GHDC: variants seen among roughly 807,000 people sequenced by gnomAD.
GHDC encodes the protein GH3 domain containing.
A neutral mutation model predicts 51.5 loss-of-function variants in GHDC; 39 were observed. That is an observed-to-expected ratio of 0.76 (90% CI 0.59 to 0.99). The LOEUF (loss-of-function observed/expected upper bound fraction) is 0.99, where lower values mean the gene tolerates loss of function less well. GHDC is among the 50% of genes least tolerant of loss of function. The pLI, the probability that GHDC is intolerant of heterozygous loss-of-function variation, is 0.00. For missense variants in GHDC, 610 were observed against 672.8 expected, an observed-to-expected ratio of 0.91 and a Z score of 1.03; for synonymous variants, 282 against 305.2, an observed-to-expected ratio of 0.92 and a Z score of 0.79.
At chr17:42,192,094 T>C in intron 5 of GHDC, 147 bp downstream of exon 5, 1 of 1,083,326 alleles carries the variant, frequency 9.2e-7, no homozygotes, top group Non-Finnish European at 1.3e-6. Context: ...CCTGAATTTC[T>C]TCACTTGTAA....
In GHDC at chr17:42,189,911, C is replaced by A; in HGVS notation, c.1385G>T (p.Cys462Phe). The change falls in exon 10 of 10, where the codon TGC becomes TTC. Residue 462 changes from cysteine (C) to phenylalanine (F), a missense_variant. This residue lies in a region of GHDC where 412 missense variants were observed against 410.4 expected (regional missense o/e 1.00). Transcript: ENST00000587427. ...GTAGCGGGGAGAGGCTTCCTGAAGG[C>A]AGTGGTCCAGCTGGGAACAGAACAG... ...SEENRDKLDHCLQEASPRYKS... is the reference protein window; with the variant it reads ...SEENRDKLDHFLQEASPRYKS... 6.5e-7 allele frequency: 1 copy of A among 1,535,224 alleles called. No homozygotes were observed. The highest frequency in any genetic ancestry group is 8.8e-7 in the Non-Finnish European group (1 of 1,140,044).
In GHDC at chr17:42,189,310, T is replaced by C. The variant is rs960683650; in HGVS notation, c.*393A>G. ...ATGAAGCTGAGGTCCTGCTCCTTAT[T>C]GACTCAGGGTTGCTGCTCCTGGGGA... On this transcript the variant is annotated 3_prime_UTR_variant, in exon 10 of 10. Coordinates refer to ENST00000587427, the MANE Select transcript of GHDC (RefSeq NM_032484.5). The C allele has an allele frequency of 5.1e-6, 2 of 395,134 alleles. No homozygotes were observed. Among genetic ancestry groups the C allele is most frequent in the South Asian group, 1.4e-4 (1 of 7,026 alleles). 24.5% of individuals were successfully genotyped at this position (395,134 alleles called of 1,614,324 possible). A position where few individuals can be genotyped will look rare whatever the true frequency, so the allele number is the denominator to read the frequency against.
In GHDC at chr17:42,193,541, GGCA is replaced by G. The variant is rs747543747; in HGVS notation, c.38_40del (p.Leu13del). 1,150 of 1,502,720 alleles carry G rather than the reference GGCA, an allele frequency of 7.7e-4. No individual in the cohort carries two copies. The highest frequency in any genetic ancestry group is 2.0e-3 in the Admixed American group (101 of 49,304). 93.1% of individuals were successfully genotyped at this position (1,502,720 alleles called of 1,614,324 possible). ...CTGCTGCCTGAGCAGGGCCAATGTT[GGCA>G]GCAGCAGCAGCAGCAGCAGCAGTGG... On this transcript the variant is annotated inframe_deletion, in exon 3 of 10. Transcript: ENST00000587427.
At position 42,192,648 on chromosome 17, in the gene GHDC, G is replaced by A. The variant is rs1156240538; in HGVS notation, c.482C>T (p.Pro161Leu). ...ATTCCCAGGCCAAGGCAGGGGTCGG[G>A]GCCAAGGGGATGTAAGCGTCACACG... ...TARVTLTSPW[P>L]RPLPWPGNTL... The change falls in exon 5 of 10, where the codon CCC (proline) becomes CTC (leucine). Residue 161 changes from proline to leucine, a missense_variant. Pro to Leu is a moderately conservative substitution (Grantham distance 98). This residue lies in a region of GHDC where 198 missense variants were observed against 262.3 expected (regional missense o/e 0.75). Coordinates refer to ENST00000587427, the MANE Select transcript of GHDC (RefSeq NM_032484.5). The A allele has an allele frequency of 1.2e-6, 2 of 1,609,362 alleles. No individual in the cohort carries two copies. The highest frequency in any genetic ancestry group is 2.2e-5 in the East Asian group (1 of 44,802).
intron 5 of GHDC, 44 bp downstream of exon 5, chr17:42,192,197 C>T (rs1432584349): frequency 6.6e-7 from 1 of 1,509,970 alleles, no homozygotes; most frequent in African/African-American, 1.4e-5. Flanking sequence ...GTCATGTGAC[C>T]ACTGACCGTT....
Position 42,193,454 on chromosome 17 carries a change from GC to G in GHDC, c.127del (p.Ala43ProfsTer28). 1.3e-6 allele frequency: 2 copies of G among 1,553,296 alleles called. No homozygotes were observed. The highest frequency in any genetic ancestry group is 1.2e-5 in the South Asian group (1 of 84,246). ...CTGCCAGGTGGCTGCCCAGACCAGG[GC>G]CCCCCATGCCACTCGGTGCTGGAGG... ...AGLQHRVAWGALVWAATWQRR... is the reference protein window; with the variant it reads ...AGLQHRVAWGXLVWAATWQRR... On this transcript the variant is annotated frameshift_variant, in exon 3 of 10. Transcript: ENST00000587427. LOFTEE classifies it high-confidence loss of function.
rs754348750 is a variant in GHDC, at chr17:42,192,255, T to C, written c.875A>G (p.Tyr292Cys). 14 of 1,541,326 alleles carry C rather than the reference T, an allele frequency of 9.1e-6. No individual in the cohort carries two copies. The highest frequency in any genetic ancestry group is 1.2e-5 in the Non-Finnish European group (14 of 1,143,884). The change falls in exon 5 of 10, where the codon TAT (tyrosine) becomes TGT (cysteine). Residue 292 changes from tyrosine to cysteine, a missense_variant. Physicochemically the swap from Tyr to Cys is radical, Grantham distance 194 (BLOSUM62 -2). This residue lies in a region of GHDC where 412 missense variants were observed against 410.4 expected (regional missense o/e 1.00). Coordinates refer to ENST00000587427, the MANE Select transcript of GHDC (RefSeq NM_032484.5). ...GTCCCACTGACCTCCCGAGGCAGCA[T>C]AAGCAGGAGAGAAGAAGGCTAGTCC... ...CQGLAFFSPA[Y>C]AASGGVLGLN...
intron 5 of GHDC, 39 bp from the exon 6 acceptor site, chr17:42,191,249 C>T: frequency 6.8e-7 from 1 of 1,462,612 alleles, no homozygotes; most frequent in Non-Finnish European, 9.0e-7. Flanking sequence ...TCTGCTGGTG[C>T]CATCGCTTTC....
At position 42,193,480 on chromosome 17, in the gene GHDC, G is replaced by A. The variant is rs903045678; in HGVS notation, c.102C>T (p.Gly34=). 3.9e-6 allele frequency: 6 copies of A among 1,555,346 alleles called. No individual in the cohort carries two copies. In the African/African-American group the frequency reaches 8.2e-5, roughly 21 times the overall value. Residue 34 remains glycine (G), a synonymous_variant, in exon 3 of 10, where the codon GGC becomes GGT. Coordinates refer to ENST00000587427, the MANE Select transcript of GHDC (RefSeq NM_032484.5). ...CCCCCCATGCCACTCGGTGCTGGAG[G>A]CCAGCAAGCCAGGACAGCCTGGCAT... The part of the protein sequence containing the change: ...SQDARLSWLA[G]LQHRVAWGAL...
chr17:42,189,956 G>T, intron 9 of GHDC, 35 bp from the exon 10 acceptor site: 2 of 1,462,070 alleles, frequency 1.4e-6, no homozygotes, highest in South Asian at 1.3e-5. Flanking sequence ...GCTGGTGTGT[G>T]ACTGTGAGTG....
intron 5 of GHDC, 51 bp from the exon 6 acceptor site, chr17:42,191,261 GCC>G: frequency 6.9e-7 from 1 of 1,448,910 alleles, no homozygotes; most frequent in Non-Finnish European, 9.1e-7. Flanking sequence ...ATCGCTTTCT[GCC>G]AGGCAATAGC....
At position 42,192,355 on chromosome 17, in the gene GHDC, G is replaced by T. The variant is rs760831944; in HGVS notation, c.775C>A (p.Leu259Met). Residue 259 changes from leucine to methionine, a missense_variant, in exon 5 of 10, where the codon CTG (leucine) becomes ATG (methionine). Leu to Met is a conservative substitution (Grantham distance 15). Around this residue, in one of 2 missense-constraint regions of GHDC, gnomAD observed 412 missense variants for 410.4 expected, o/e 1.00. Coordinates refer to ENST00000587427, the MANE Select transcript of GHDC (RefSeq NM_032484.5). ...RGLALRLWPKLQVVVTLDAGG... is the reference protein window; with the variant it reads ...RGLALRLWPKMQVVVTLDAGG... ...GCATCCAGAGTCACCACCACCTGCA[G>T]CTTTGGCCAGAGCCGAAGGGCCAGT... 38 of 1,613,060 alleles carry T rather than the reference G, an allele frequency of 2.4e-5. No individual in the cohort carries two copies. The Admixed American group carries it at 6.3e-4, about 27-fold the overall frequency.
chr17:42,192,772 G>A (rs748624084), intron 4 of GHDC, 30 bp from the exon 5 acceptor site: 2 of 1,533,402 alleles, frequency 1.3e-6, no homozygotes, highest in Non-Finnish European at 1.7e-6. Context: ...ATGTTGGTCT[G>A]GTGTCAGAGC....
At position 42,189,717 on chromosome 17, in the gene GHDC, T is replaced by C; in HGVS notation, c.1579A>G (p.Arg527Gly). The C allele has an allele frequency of 6.8e-7, 1 of 1,471,694 alleles. No homozygotes were observed. The allele number at this position is 1,471,694 out of a possible 1,614,324, so 91.2% of individuals were successfully genotyped here. ...HRHLAQCLQE[R>G]VVS ...CAGGACTTGACTCAGGACACCACCC[T>C]CTCCTGCAGACACTGGGCCAGGTGC... The change falls in exon 10 of 10, where the codon AGG (arginine) becomes GGG (glycine). Residue 527 changes from arginine to glycine, a missense_variant. By Grantham distance (125) the Arg-to-Gly change is moderately radical (BLOSUM62 -2). Transcript: ENST00000587427.
In GHDC at chr17:42,190,206, C is replaced by T. The variant is rs180989188; in HGVS notation, c.1353G>A (p.Leu451=). The part of the protein sequence containing the change: ...VFVALRGLRN[L]SEENRDKLDH... ...TTACCTTGTCTCGATTTTCCTCTGA[C>T]AGATTCCTCAGCCCCCTCAGCGCCA... Residue 451 remains leucine, a synonymous_variant, in exon 9 of 10, where the codon CTG becomes CTA. Transcript: ENST00000587427. The T allele has an allele frequency of 1.8e-4, 295 of 1,614,038 alleles. No homozygotes were observed. Among genetic ancestry groups the T allele is most frequent in the Admixed American group, 7.8e-4 (47 of 59,990 alleles).
rs760555173 is a variant in GHDC, at chr17:42,193,366, C to T, written c.216G>A (p.Trp72Ter). 12 of 1,606,544 alleles carry T rather than the reference C, an allele frequency of 7.5e-6. 1 individual carries two copies. In the South Asian group the frequency reaches 1.1e-4, roughly 15 times the overall value. ...VHQSQQQALR[W>*]CLQGAQRPHC... ...GGGGGCGCTGGGCTCCCTGTAGACACCACCTCAGGGCCTGCTGCTGGCTCT... is the reference window on the plus strand; with the variant it reads ...GGGGGCGCTGGGCTCCCTGTAGACATCACCTCAGGGCCTGCTGCTGGCTCT... The change falls in exon 3 of 10, where the codon TGG becomes TGA. Residue 72 changes from tryptophan (W) to a stop codon, truncating the protein, a stop_gained. Coordinates refer to ENST00000587427, the MANE Select transcript of GHDC (RefSeq NM_032484.5). LOFTEE classifies it high-confidence loss of function.
Position 42,189,658 on chromosome 17 carries a change from C to A in GHDC, c.*45G>T. Reference sequence around the variant, plus strand: ...TCCGGAGAGGTCCCAGAGGGAGGGGCGAGGTGGCCTCTGGGGGGAGCTGGG... The same window carrying A: ...TCCGGAGAGGTCCCAGAGGGAGGGGAGAGGTGGCCTCTGGGGGGAGCTGGG... On this transcript the variant is annotated 3_prime_UTR_variant, in exon 10 of 10. Coordinates refer to ENST00000587427, the MANE Select transcript of GHDC (RefSeq NM_032484.5). 1.9e-6 allele frequency: 2 copies of A among 1,028,316 alleles called. No individual in the cohort carries two copies. The highest frequency in any genetic ancestry group is 2.9e-5 in the East Asian group (1 of 34,178). 63.7% of individuals were successfully genotyped at this position (1,028,316 alleles called of 1,614,324 possible). A position where few individuals can be genotyped will look rare whatever the true frequency, so the allele number is the denominator to read the frequency against.
In GHDC at chr17:42,191,025, G is replaced by C; in HGVS notation, c.1075C>G (p.Leu359Val). Reference protein sequence around the residue: ...YELVLTDRASLTRCRLGDVVR... With the variant: ...YELVLTDRASVTRCRLGDVVR... The stretch of plus-strand genomic sequence containing the variant: ...GGCTGTGCAGCTGATCACCTGGTGA[G>C]GCTGGCGCGGTCCGTCAGCACCAGC... The change falls in exon 6 of 10, where the codon CTC becomes GTC. Residue 359 changes from leucine (L) to valine (V), a missense_variant. This residue lies in a region of GHDC where 412 missense variants were observed against 410.4 expected (regional missense o/e 1.00). Coordinates refer to ENST00000587427, the MANE Select transcript of GHDC (RefSeq NM_032484.5). 6.3e-7 allele frequency: 1 copy of C among 1,577,432 alleles called. No individual in the cohort carries two copies. Among genetic ancestry groups the C allele is most frequent in the Non-Finnish European group, 8.6e-7 (1 of 1,162,374 alleles).
intron 5 of GHDC, among the ~76,000 whole-genome samples, chr17:42,191,938 T>C (rs757021863): frequency 1.3e-5 from 2 of 152,042 alleles, no homozygotes; most frequent in Non-Finnish European, 2.9e-5. Context: ...AGTTTTTGTA[T>C]TTTTAGTAGA....
Sources: allele counts gnomAD v4.1 joint callset (sites outside exome capture counted in the v4.1 genomes callset), GRCh38; gene constraint gnomAD v4.1.1; regional missense constraint gnomAD v4.1.1; transcripts MANE v1.5; gene names NCBI Gene and HGNC (gene_info 2026-07-23, HGNC 2026-07-21).